DLG2: variants seen among roughly 807,000 people sequenced by gnomAD.
DLG2 encodes the protein disks large homolog 2.
Under a neutral mutation model 132.5 loss-of-function variants are expected in DLG2, and 45 were observed. The ratio of observed to expected loss-of-function variants is 0.34; its 90% CI spans 0.27 to 0.44. DLG2 has a LOEUF of 0.44. Among genes scored for constraint, DLG2 ranks in the 20% least tolerant of loss-of-function variants. DLG2 has a pLI of 1.00. For missense variants in DLG2, 1,045 were observed against 1,196.9 expected, an observed-to-expected ratio of 0.87 and a Z score of 1.87; for synonymous variants, 424 against 419.6, an observed-to-expected ratio of 1.01 and a Z score of -0.13.
chr11:84,484,461 C>T (rs1279016299), intron 7 of DLG2, among the ~76,000 whole-genome samples: 1 of 152,094 alleles, frequency 6.6e-6, no homozygotes, highest in Non-Finnish European at 1.5e-5. Flanking sequence ...TTAAGCTAGC[C>T]TACTCAGACA....
intron 16 of DLG2, among the ~76,000 whole-genome samples, chr11:83,870,682 A>G (rs1248589836): frequency 1.3e-5 from 2 of 152,128 alleles, no homozygotes; most frequent in African/African-American, 4.8e-5. Flanking sequence ...TTTTCTGAGA[A>G]GAAGCTTCTT....
chr11:84,164,843 A>G (rs1409361354), intron 8 of DLG2, among the ~76,000 whole-genome samples: 1 of 152,198 alleles, frequency 6.6e-6, no homozygotes. Flanking sequence ...GTGAATCACA[A>G]TTTACTGTTT....
chr11:84,308,550 G>A (rs956578547), intron 7 of DLG2, among the ~76,000 whole-genome samples: 9 of 152,216 alleles, frequency 5.9e-5, no homozygotes, highest in East Asian at 1.9e-4. Context: ...CCGTGCGCCC[G>A]CACTCCTCAG....
intron 7 of DLG2, among the ~76,000 whole-genome samples, chr11:84,402,881 C>CAAAAAAAGAAAAA (rs2098835075): frequency 1.4e-5 from 1 of 73,914 alleles, no homozygotes; most frequent in Non-Finnish European, 2.4e-5. Flanking sequence ...AACTCCGTCT[C>CAAAAAAAGAAAAA]AAAAAAAAAA....
chr11:83,558,524 C>T (rs1044117375), intron 19 of DLG2, among the ~76,000 whole-genome samples: 9 of 152,132 alleles, frequency 5.9e-5, no homozygotes, highest in Admixed American at 1.3e-4. Context: ...ACAGTAGGCA[C>T]TTTATATACC....
At chr11:84,222,932 A>C (rs1458370566) in intron 8 of DLG2, among the ~76,000 whole-genome samples, 2 of 152,230 alleles carry the variant, frequency 1.3e-5, no homozygotes, top group Non-Finnish European at 2.9e-5. Flanking sequence ...TAATGAGTTT[A>C]ATACTTGGGT....
intron 4 of DLG2, among the ~76,000 whole-genome samples, chr11:85,249,782 G>C (rs17148061): frequency 6.6e-6 from 1 of 152,072 alleles, no homozygotes; most frequent in Non-Finnish European, 1.5e-5. Flanking sequence ...CCAGGAATCA[G>C]AGCAAGGAAC....
intron 18 of DLG2, among the ~76,000 whole-genome samples, chr11:83,679,526 CT>C (rs2078370855): frequency 6.6e-6 from 1 of 152,138 alleles, no homozygotes; most frequent in Non-Finnish European, 1.5e-5. Flanking sequence ...GGTAATAACC[CT>C]GTTTTTACTA....
At chr11:85,287,686 C>A (rs1181945292) in intron 3 of DLG2, among the ~76,000 whole-genome samples, 3 of 151,950 alleles carry the variant, frequency 2.0e-5, no homozygotes, top group Admixed American at 6.6e-5. Flanking sequence ...CAAAAACAAA[C>A]CAAAATATTC....
chr11:85,004,653 C>A (rs1421162329), intron 6 of DLG2, among the ~76,000 whole-genome samples: 1 of 152,068 alleles, frequency 6.6e-6, no homozygotes, highest in Non-Finnish European at 1.5e-5. Flanking sequence ...AACTTTTCTC[C>A]CATTCTGTAG....
intron 3 of DLG2, among the ~76,000 whole-genome samples, chr11:85,316,093 G>A (rs1294434034): frequency 6.6e-6 from 1 of 151,920 alleles, no homozygotes; most frequent in Non-Finnish European, 1.5e-5. Flanking sequence ...AGCTGGGCTT[G>A]AGCACAGCTC....
intron 6 of DLG2, 30 bp downstream of exon 6, chr11:85,111,631 A>C (rs1298557516): frequency 6.6e-7 from 1 of 1,506,268 alleles, no homozygotes; most frequent in Non-Finnish European, 9.0e-7. Context: ...TTATCCTTCA[A>C]TCTGCTAATC....
At chr11:84,838,673 C>T (rs1599368995) in intron 6 of DLG2, among the ~76,000 whole-genome samples, 1 of 152,080 alleles carries the variant, frequency 6.6e-6, no homozygotes, top group Middle Eastern at 3.4e-3. Flanking sequence ...AGTATAAAAT[C>T]AAGGCTGGTT....
chr11:83,539,464 A>T (rs991622619), intron 20 of DLG2, among the ~76,000 whole-genome samples: 2 of 152,176 alleles, frequency 1.3e-5, no homozygotes, highest in African/African-American at 4.8e-5. Flanking sequence ...AAATAAGTAC[A>T]TGGGTACTCT....
chr11:84,038,806 A>G (rs1355324013), intron 11 of DLG2, among the ~76,000 whole-genome samples: 1 of 152,098 alleles, frequency 6.6e-6, no homozygotes, highest in Non-Finnish European at 1.5e-5. Context: ...ACTTACAATC[A>G]TGGCAGAAGA....
intron 2 of DLG2, among the ~76,000 whole-genome samples, chr11:85,610,560 G>A (rs2080920918): frequency 6.6e-6 from 1 of 152,162 alleles, no homozygotes; most frequent in Non-Finnish European, 1.5e-5. Flanking sequence ...TTACCTGTTT[G>A]GTCAGGCACT....
chr11:83,519,269 C>T (rs2095402428), intron 21 of DLG2, among the ~76,000 whole-genome samples: 1 of 152,162 alleles, frequency 6.6e-6, no homozygotes. Flanking sequence ...AATTTCCACA[C>T]AGCAGCCACA....
intron 21 of DLG2, among the ~76,000 whole-genome samples, chr11:83,494,059 C>A (rs1332081435): frequency 1.3e-5 from 2 of 152,006 alleles, no homozygotes; most frequent in Admixed American, 1.3e-4. Context: ...GTTTTATGAA[C>A]TAAAGAGACC....
At chr11:84,575,820 G>A (rs2099498374) in intron 6 of DLG2, among the ~76,000 whole-genome samples, 1 of 152,074 alleles carries the variant, frequency 6.6e-6, no homozygotes, top group Admixed American at 6.6e-5. Context: ...GGCTTCTTCA[G>A]ACTTGAGATT....
Sources: allele counts gnomAD v4.1 joint callset (sites outside exome capture counted in the v4.1 genomes callset), GRCh38; gene constraint gnomAD v4.1.1; transcripts MANE v1.5; gene names NCBI Gene and HGNC (gene_info 2026-07-23, HGNC 2026-07-21).